RPUSD2: variants seen among roughly 807,000 people sequenced by gnomAD.
The protein encoded by RPUSD2 is pseudouridylate synthase RPUSD2.
Under a neutral mutation model 41.5 loss-of-function variants are expected in RPUSD2, and 31 were observed. The observed-to-expected ratio is 0.75, with a 90% CI of 0.56 to 1.01. The LOEUF is 1.01. Ranked by LOEUF, RPUSD2 falls within the 50% of genes least tolerant of loss-of-function variation. The probability of loss-of-function intolerance (pLI) is 0.00; values close to 1 mark genes in which losing one functional copy is unlikely to be tolerated. For synonymous variants in RPUSD2, 305 were observed against 289.7 expected, an observed-to-expected ratio of 1.05 and a Z score of -0.54; for missense variants, 749 against 724.7, an observed-to-expected ratio of 1.03 and a Z score of -0.38.
At chr15:40,573,388 G>T in intron 2 of RPUSD2, 139 bp from the exon 3 acceptor site, 1 of 832,428 alleles carries the variant, frequency 1.2e-6, no homozygotes. Context: ...GTTAAGTAAT[G>T]TACCCAAGAT....
In RPUSD2 at chr15:40,569,735, ATTAC is replaced by A; in HGVS notation, c.401_404del (p.Tyr134SerfsTer92). On this transcript the variant is annotated frameshift_variant, in exon 1 of 3. Transcript: ENST00000315616. LOFTEE classifies it high-confidence loss of function. ...GATGAGCACTTTGCAGAAACCAGTT[ATTAC>A]TTCGAGGGCGGCCTGCGTAAGGTGC... 6.3e-7 allele frequency: 1 copy of A among 1,599,446 alleles called. No homozygotes were observed. The highest frequency in any genetic ancestry group is 8.5e-7 in the Non-Finnish European group (1 of 1,173,096).
At chr15:40,570,292 A>G (rs1341016851) in intron 1 of RPUSD2, among the ~76,000 whole-genome samples, 1 of 149,104 alleles carries the variant, frequency 6.7e-6, no homozygotes, top group Non-Finnish European at 1.5e-5. Flanking sequence ...GCAAATAGTA[A>G]TAATAGGGGC....
chr15:40,573,881 C>T lies in RPUSD2; in HGVS notation c.1258C>T (p.Gln420Ter). 6.2e-7 allele frequency: 1 copy of T among 1,614,090 alleles called. No homozygotes were observed. Among genetic ancestry groups the T allele is most frequent in the South Asian group, 1.1e-5 (1 of 91,080 alleles). ...ELLRDLVAEH[Q>*]AKQSLDVLDL... ...GCTACGGGACCTGGTAGCAGAGCAC[C>T]AGGCCAAACAGAGCCTGGATGTGCT... The change falls in exon 3 of 3, where the codon CAG becomes TAG. Residue 420 changes from glutamine to a stop codon, truncating the protein, a stop_gained. Coordinates refer to ENST00000315616, the MANE Select transcript of RPUSD2 (RefSeq NM_152260.3). LOFTEE classifies it high-confidence loss of function.
Position 40,571,599 on chromosome 15 carries a change from G to T in RPUSD2, c.607-5G>T. 6.2e-7 allele frequency: 1 copy of T among 1,613,622 alleles called. No homozygotes were observed. The highest frequency in any genetic ancestry group is 1.1e-5 in the South Asian group (1 of 91,056). On this transcript the variant is annotated splice_polypyrimidine_tract_variant and splice_region_variant and intron_variant, in intron 1 of 2. Coordinates refer to ENST00000315616, the MANE Select transcript of RPUSD2 (RefSeq NM_152260.3). ...AGGCTGACTTATTACCTATGTCTTT[G>T]ACAGGACAATGATTTCTTGCGGAAC...
rs1433734616 is a variant in RPUSD2 at position 40,573,676 on chromosome 15, A to C, written c.1053A>C (p.Leu351=). ...CCTGTGAGACAGTGTTCCAGAGGCT[A>C]AGCTACAATGGCCAGTCCAGTGTGG... ...GKPCETVFQR[L]SYNGQSSVVR... Residue 351 remains leucine (L), a synonymous_variant, in exon 3 of 3, where the codon CTA becomes CTC. Transcript: ENST00000315616. The C allele has an allele frequency of 2.5e-6, 4 of 1,614,004 alleles. No individual in the cohort carries two copies. The African/African-American group carries it at 5.3e-5, about 22-fold the overall frequency.
chr15:40,571,557 T>A, intron 1 of RPUSD2, 47 bp from the exon 2 acceptor site: 1 of 1,570,930 alleles, frequency 6.4e-7, no homozygotes, highest in Non-Finnish European at 8.7e-7. Flanking sequence ...GTTGACTGAT[T>A]ACAGGCTGCG....
At chr15:40,572,515 G>A (rs74396084) in intron 2 of RPUSD2, among the ~76,000 whole-genome samples, 24 of 149,732 alleles carry the variant, frequency 1.6e-4, no homozygotes, top group African/African-American at 5.4e-4. Flanking sequence ...GCAGTGAGCC[G>A]AATCGCGCCA....
rs1345512753 is a variant in RPUSD2 at position 40,574,551 on chromosome 15, CA to C, written c.*291del. The C allele has an allele frequency of 3.7e-6, 1 of 270,880 alleles. No homozygotes were observed. The highest frequency in any genetic ancestry group is 7.1e-6 in the Non-Finnish European group (1 of 140,788). The allele number at this position is 270,880 out of a possible 1,614,324, so 16.8% of individuals were successfully genotyped here. A position where few individuals can be genotyped will look rare whatever the true frequency, so the allele number is the denominator to read the frequency against. On this transcript the variant is annotated 3_prime_UTR_variant, in exon 3 of 3. Coordinates refer to ENST00000315616, the MANE Select transcript of RPUSD2 (RefSeq NM_152260.3). Reference sequence around the variant, plus strand: ...ATTAACCACTTTAACTAGCCAGGCACAGTGGCTCATGGCTATAATCCTAGTA... The same window carrying C: ...ATTAACCACTTTAACTAGCCAGGCACGTGGCTCATGGCTATAATCCTAGTA...
rs1221559099 is a variant in RPUSD2 at position 40,569,813 on chromosome 15, G to C, written c.476G>C (p.Gly159Ala). The change falls in exon 1 of 3, where the codon GGC (glycine) becomes GCC (alanine). Residue 159 changes from glycine to alanine, a missense_variant. Coordinates refer to ENST00000315616, the MANE Select transcript of RPUSD2 (RefSeq NM_152260.3). ...FRTYCKGRWV[G>A]HSLLHVFSTE... is the part of the protein sequence containing the mutation. The stretch of plus-strand genomic sequence containing the variant: ...ACCTACTGCAAAGGTCGCTGGGTGG[G>C]CCACAGCTTGCTGCACGTCTTCAGT... 1 of 1,613,334 alleles carries C rather than the reference G, an allele frequency of 6.2e-7. No individual in the cohort carries two copies. Among genetic ancestry groups the C allele is most frequent in the Non-Finnish European group, 8.5e-7 (1 of 1,179,772 alleles).
chr15:40,570,623 C>A (rs1342108449), intron 1 of RPUSD2, among the ~76,000 whole-genome samples: 3 of 152,192 alleles, frequency 2.0e-5, no homozygotes, highest in South Asian at 2.1e-4. Context: ...ACACTGTTTA[C>A]CTCTCAGTAA....
chr15:40,574,041 A>C lies in RPUSD2; in HGVS notation c.1418A>C (p.Gln473Pro). 1.2e-6 allele frequency: 2 copies of C among 1,614,176 alleles called. No individual in the cohort carries two copies. Among genetic ancestry groups the C allele is most frequent in the South Asian group, 2.2e-5 (2 of 91,084 alleles). The change falls in exon 3 of 3, where the codon CAG becomes CCG. Residue 473 changes from glutamine (Q) to proline (P), a missense_variant. Transcript: ENST00000315616. ...KMEEVAEAAPQELDTIALASE... is the reference protein window; with the variant it reads ...KMEEVAEAAPPELDTIALASE... ...GAGGAAGTAGCTGAGGCAGCCCCTC[A>C]GGAGTTGGACACAATAGCCTTGGCA...
Position 40,574,333 on chromosome 15 carries a change from TG to T in RPUSD2, c.*75del. 1.3e-6 allele frequency: 2 copies of T among 1,522,466 alleles called. No individual in the cohort carries two copies. The highest frequency in any genetic ancestry group is 1.8e-6 in the Non-Finnish European group (2 of 1,132,708). 94.3% of individuals were successfully genotyped at this position (1,522,466 alleles called of 1,614,324 possible). On this transcript the variant is annotated 3_prime_UTR_variant, in exon 3 of 3. Transcript: ENST00000315616. Reference sequence around the variant, plus strand: ...GGCTATAGGGCAAGGGCTGACCCCATGGGCTAGTACTTGGGGTTTCTATAGG... The same window carrying T: ...GGCTATAGGGCAAGGGCTGACCCCATGGCTAGTACTTGGGGTTTCTATAGG...
rs1030212864 is a variant in RPUSD2, at chr15:40,574,588, T to C, written c.*327T>C. The C allele has an allele frequency of 1.6e-5, 3 of 189,052 alleles. No individual in the cohort carries two copies. Among genetic ancestry groups the C allele is most frequent in the African/African-American group, 2.4e-5 (1 of 42,112 alleles). The allele number at this position is 189,052 out of a possible 1,614,324, so 11.7% of individuals were successfully genotyped here. A position where few individuals can be genotyped will look rare whatever the true frequency, so the allele number is the denominator to read the frequency against. ...GCTATAATCCTAGTACTTTGGGAGG[T>C]AGAAGTGAAAGGATCACTGGAGGCC... On this transcript the variant is annotated 3_prime_UTR_variant, in exon 3 of 3. Coordinates refer to ENST00000315616, the MANE Select transcript of RPUSD2 (RefSeq NM_152260.3).
chr15:40,573,169 C>T (rs1235420675), intron 2 of RPUSD2, among the ~76,000 whole-genome samples: 1 of 151,986 alleles, frequency 6.6e-6, no homozygotes, highest in African/African-American at 2.4e-5. Flanking sequence ...GGATGACTGG[C>T]ATGCGCCACC....
chr15:40,573,443 A>G, intron 2 of RPUSD2, 84 bp from the exon 3 acceptor site: 1 of 1,468,848 alleles, frequency 6.8e-7, no homozygotes, highest in South Asian at 1.3e-5. Flanking sequence ...ATTTTCTGAC[A>G]CTGGTCCTTA....
chr15:40,571,858 T>A lies in RPUSD2; in HGVS notation c.861T>A (p.Ala287=), dbSNP rs763419047. ...GGGTGCTTATGTTTGCCAAGACAGC[T>A]GCAGTCTCTGAGAGAATTCACGAGC... is the stretch of plus-strand genomic sequence containing the variant. The part of the protein sequence containing the change: ...TSGVLMFAKT[A]AVSERIHEQV... The change falls in exon 2 of 3, where the codon GCT becomes GCA. Residue 287 remains alanine (A), a synonymous_variant. Transcript: ENST00000315616. The A allele has an allele frequency of 1.2e-6, 2 of 1,614,184 alleles. No individual in the cohort carries two copies. The highest frequency in any genetic ancestry group is 3.3e-5 in the Admixed American group (2 of 60,028).
At chr15:40,572,256 T>A (rs1891157970) in intron 2 of RPUSD2, among the ~76,000 whole-genome samples, 1 of 126,584 alleles carries the variant, frequency 7.9e-6, no homozygotes. Flanking sequence ...AGGGAGACCC[T>A]ATCTCTACAA....
In RPUSD2 at chr15:40,569,374, G is replaced by C; in HGVS notation, c.37G>C (p.Gly13Arg). The stretch of plus-strand genomic sequence containing the variant: ...CCGCCGCGGATGGCTCAGGGTTCTT[G>C]GACATTGGCGCTACGACCTTAGGCG... Reference protein sequence around the residue: ...LDRRGWLRVLGHWRYDLRRPS... With the variant: ...LDRRGWLRVLRHWRYDLRRPS... Residue 13 changes from glycine to arginine, a missense_variant, in exon 1 of 3, where the codon GGA becomes CGA. Transcript: ENST00000315616. 1 of 1,515,174 alleles carries C rather than the reference G, an allele frequency of 6.6e-7. No individual in the cohort carries two copies. The highest frequency in any genetic ancestry group is 8.8e-7 in the Non-Finnish European group (1 of 1,137,012). The allele number at this position is 1,515,174 out of a possible 1,614,324, so 93.9% of individuals were successfully genotyped here.
At position 40,574,765 on chromosome 15, in the gene RPUSD2, C is replaced by T. The variant is rs1180582182; in HGVS notation, c.*504C>T. On this transcript the variant is annotated 3_prime_UTR_variant, in exon 3 of 3. Transcript: ENST00000315616. ...TTAGTACATTCACAGTGTTGTACAA[C>T]CATAACCTCATATATTTCCAAAACA... The T allele has an allele frequency of 6.6e-6, 1 of 152,612 alleles. No homozygotes were observed. The highest frequency in any genetic ancestry group is 1.5e-5 in the Non-Finnish European group (1 of 68,452). The allele number at this position is 152,612 out of a possible 1,614,324, so 9.5% of individuals were successfully genotyped here.
Sources: allele counts gnomAD v4.1 joint callset (sites outside exome capture counted in the v4.1 genomes callset), GRCh38; gene constraint gnomAD v4.1.1; transcripts MANE v1.5; gene names NCBI Gene and HGNC (gene_info 2026-07-23, HGNC 2026-07-21).